Variants in TRIM24 observed in about 807,000 individuals in gnomAD.
TRIM24 encodes the protein transcription intermediary factor 1-alpha.
TRIM24 carries 29 observed loss-of-function variants against 123.9 expected under a neutral mutation model. The ratio of observed to expected loss-of-function variants is 0.23; its 90% CI spans 0.17 to 0.32. The LOEUF (loss-of-function observed/expected upper bound fraction) is 0.32, where lower values mean the gene tolerates loss of function less well. TRIM24 is among the 10% of genes least tolerant of loss of function. The probability of loss-of-function intolerance (pLI) is 1.00; values close to 1 mark genes in which losing one functional copy is unlikely to be tolerated. For missense variants in TRIM24, 932 were observed against 1,295.3 expected (o/e 0.72, Z 4.31); for synonymous variants, 456 against 461.1 (o/e 0.99, Z 0.14).
At chr7:138,509,140 G>C (rs1019835785) in intron 2 of TRIM24, among the ~76,000 whole-genome samples, 1 of 151,514 alleles carries the variant, frequency 6.6e-6, no homozygotes, top group Non-Finnish European at 1.5e-5. Flanking sequence ...AGCAGAGCGG[G>C]GTTTCTCCAT....
At chr7:138,522,901 A>G (rs1457986971) in intron 4 of TRIM24, among the ~76,000 whole-genome samples, 1 of 152,246 alleles carries the variant, frequency 6.6e-6, no homozygotes, top group Non-Finnish European at 1.5e-5. Flanking sequence ...TCTGAATGAT[A>G]GTGAAAAACA....
At chr7:138,559,790 G>T (rs1797388425) in intron 9 of TRIM24, among the ~76,000 whole-genome samples, 1 of 152,156 alleles carries the variant, frequency 6.6e-6, no homozygotes. Flanking sequence ...AACAGCAGTG[G>T]GAGTGGACAA....
chr7:138,555,457 C>T (rs1280826233), intron 9 of TRIM24, among the ~76,000 whole-genome samples: 2 of 151,694 alleles, frequency 1.3e-5, no homozygotes, highest in Admixed American at 6.6e-5. Context: ...ATACTGTCTA[C>T]CGTTCTTATT....
intron 7 of TRIM24, among the ~76,000 whole-genome samples, chr7:138,543,270 C>T (rs895735439): frequency 6.6e-6 from 1 of 152,122 alleles, no homozygotes; most frequent in African/African-American, 2.4e-5. Context: ...AGCAGTGAAT[C>T]ATATAGTACC....
At chr7:138,483,107 G>A (rs1051686554) in intron 1 of TRIM24, among the ~76,000 whole-genome samples, 1 of 151,682 alleles carries the variant, frequency 6.6e-6, no homozygotes, top group Admixed American at 6.6e-5. Flanking sequence ...TTTGTAGCGG[G>A]GGGGGTCTCA....
In TRIM24 at chr7:138,545,355, G is replaced by A. The variant is rs117751865; in HGVS notation, c.1144-5708G>A. 4.2e-3 allele frequency: 1,880 copies of A among 452,482 alleles called. 5 individuals carry two copies. The highest frequency in any genetic ancestry group is 6.1e-3 in the Non-Finnish European group (1,362 of 224,208). 28.0% of individuals were successfully genotyped at this position (452,482 alleles called of 1,614,324 possible). ...ATGTGAAGTGGTGAGGGAGGAATAC[G>A]GAAGTGGTAAGAAGAATTAGCCAGT... On this transcript the variant is annotated intron_variant, in intron 7 of 18. Coordinates refer to ENST00000343526, the MANE Select transcript of TRIM24 (RefSeq NM_015905.3).
Position 138,470,123 on chromosome 7 carries a change from ATTTTTTTTTTT to A in TRIM24, c.364+9227_364+9237del, listed in dbSNP as rs10542175. 4.9e-5 allele frequency among the ~76,000 whole-genome samples: 4 copies of A among 81,428 alleles called. No individual in the cohort carries two copies. In the East Asian group the frequency reaches 1.5e-3, roughly 31 times the overall value. 53.4% of individuals were successfully genotyped at this position (81,428 alleles called of 152,430 possible). On this transcript the variant is annotated intron_variant, in intron 1 of 18. Transcript: ENST00000343526. ...TTTGTTTTTGCCTCCTACAAGTATA[ATTTTTTTTTTT>A]TTTTTTTTTTTTTTTGAGATGGAGT... is the stretch of plus-strand genomic sequence containing the variant.
At chr7:138,522,122 G>A (rs10256358) in intron 4 of TRIM24, among the ~76,000 whole-genome samples, 3,229 of 152,014 alleles carry the variant, frequency 0.021, 94 homozygotes, top group African/African-American at 0.071. Flanking sequence ...TAAAAAATAA[G>A]TAAGTAAGTA....
At chr7:138,538,613 G>A (rs1297551901) in intron 6 of TRIM24, 44 bp from the exon 7 acceptor site, 1 of 1,604,614 alleles carries the variant, frequency 6.2e-7, no homozygotes, top group Non-Finnish European at 8.5e-7. Flanking sequence ...CAAAGTCTAT[G>A]TTACATGCTG....
At chr7:138,526,735 C>A (rs753240555) in intron 5 of TRIM24, among the ~76,000 whole-genome samples, 12 of 152,110 alleles carry the variant, frequency 7.9e-5, no homozygotes, top group Non-Finnish European at 1.3e-4. Context: ...CTCTTTGACA[C>A]AACTATAGTT....
chr7:138,484,051 T>A (rs1222934203), intron 1 of TRIM24, among the ~76,000 whole-genome samples: 3 of 152,136 alleles, frequency 2.0e-5, no homozygotes, highest in African/African-American at 7.2e-5. Flanking sequence ...CCTCCCCATT[T>A]ATTTTCTAAT....
At position 138,551,068 on chromosome 7, in the gene TRIM24, A is replaced by C; in HGVS notation, c.1149A>C (p.Thr383=). The C allele has an allele frequency of 6.2e-7, 1 of 1,613,256 alleles. No individual in the cohort carries two copies. Among genetic ancestry groups the C allele is most frequent in the South Asian group, 1.1e-5 (1 of 91,056 alleles). Residue 383 remains threonine, a synonymous_variant, in exon 8 of 19, where the codon ACA becomes ACC. Coordinates refer to ENST00000343526, the MANE Select transcript of TRIM24 (RefSeq NM_015905.3). ...ATCTCTCCTTTTTCTTCTAGATTAC[A>C]TACCGGTTACGGCACCTCCTTCGTG... ...TALLYSKRLI[T]YRLRHLLRAR... is the part of the protein sequence containing the mutation.
At position 138,585,096 on chromosome 7, in the gene TRIM24, T is replaced by A; in HGVS notation, c.*145T>A. On this transcript the variant is annotated 3_prime_UTR_variant, in exon 19 of 19. Transcript: ENST00000343526. ...GACGTTTACTAGACTTTGATTTCCT[T>A]AATAGCCCATTTCTGTTAACCTCTT... is the stretch of plus-strand genomic sequence containing the variant. 1 of 586,310 alleles carries A rather than the reference T, an allele frequency of 1.7e-6. No homozygotes were observed. The highest frequency in any genetic ancestry group is 2.8e-6 in the Non-Finnish European group (1 of 355,890). The allele number at this position is 586,310 out of a possible 1,614,324, so 36.3% of individuals were successfully genotyped here. A position where few individuals can be genotyped will look rare whatever the true frequency, so the allele number is the denominator to read the frequency against.
At chr7:138,520,444 G>A (rs973049041) in intron 4 of TRIM24, among the ~76,000 whole-genome samples, 4 of 152,160 alleles carry the variant, frequency 2.6e-5, no homozygotes, top group Non-Finnish European at 5.9e-5. Context: ...ATTCAATAAT[G>A]AATTTTGCAA....
chr7:138,490,352 G>A (rs1054000762), intron 1 of TRIM24, among the ~76,000 whole-genome samples: 5 of 152,174 alleles, frequency 3.3e-5, no homozygotes, highest in South Asian at 4.1e-4. Context: ...GCCTACTTCT[G>A]TCAACTCATC....
intron 1 of TRIM24, among the ~76,000 whole-genome samples, chr7:138,474,466 A>G (rs1795354613): frequency 6.6e-6 from 1 of 152,034 alleles, no homozygotes; most frequent in African/African-American, 2.4e-5. Context: ...AGGAGCCCCA[A>G]TTCCTTATTT....
Position 138,525,324 on chromosome 7 carries a change from A to G in TRIM24, c.848A>G (p.Tyr283Cys), listed in dbSNP as rs775015025. ...LITKLMEKTK[Y>C]IKFTGNQIQN... ...ACCAAACTGATGGAAAAAACAAAAT[A>G]CATAAAATTCACAGGAAATCAGATC... The change falls in exon 5 of 19, where the codon TAC (tyrosine) becomes TGC (cysteine). Residue 283 changes from tyrosine (Y) to cysteine (C), a missense_variant. Around this residue, in one of 7 missense-constraint regions of TRIM24, gnomAD observed 527 missense variants for 691.3 expected, o/e 0.76. Coordinates refer to ENST00000343526, the MANE Select transcript of TRIM24 (RefSeq NM_015905.3). 3 of 1,526,730 alleles carry G rather than the reference A, an allele frequency of 2.0e-6. No individual in the cohort carries two copies. The highest frequency in any genetic ancestry group is 2.6e-6 in the Non-Finnish European group (3 of 1,141,026). The allele number at this position is 1,526,730 out of a possible 1,614,324, so 94.6% of individuals were successfully genotyped here.
At chr7:138,548,536 G>A (rs551067251) in intron 7 of TRIM24, among the ~76,000 whole-genome samples, 3 of 152,094 alleles carry the variant, frequency 2.0e-5, no homozygotes, top group African/African-American at 4.8e-5. Context: ...CTGTGAAGGC[G>A]TAGGACATTA....
Position 138,585,152 on chromosome 7 carries a change from GAATAGAAGAAAGAA to G in TRIM24, c.*205_*218del. 2.6e-6 allele frequency: 1 copy of G among 390,576 alleles called. No individual in the cohort carries two copies. Among genetic ancestry groups the G allele is most frequent in the East Asian group, 3.9e-5 (1 of 25,484 alleles). 24.2% of individuals were successfully genotyped at this position (390,576 alleles called of 1,614,324 possible). ...TAAGAAAGAAAGGAAAGAAGGAGAT[GAATAGAAGAAAGAA>G]AATGGAAAGAAGGAAAAAAGGAGGA... is the stretch of plus-strand genomic sequence containing the variant. On this transcript the variant is annotated 3_prime_UTR_variant, in exon 19 of 19. Coordinates refer to ENST00000343526, the MANE Select transcript of TRIM24 (RefSeq NM_015905.3).
Sources: gnomAD v4.1 joint callset for allele counts (sites outside exome capture counted in the v4.1 genomes callset) on GRCh38, gnomAD v4.1.1 for gene constraint, gnomAD v4.1.1 regional missense constraint, MANE v1.5 for transcripts, NCBI Gene and HGNC (gene_info 2026-07-23, HGNC 2026-07-21) for gene names.